The following SLC2A9 variants were observed in gnomAD, a reference collection of about 807,000 sequenced individuals.
SLC2A9 encodes the protein solute carrier family 2 member 9, also known as solute carrier family 2, facilitated glucose transporter member 9.
Under a neutral mutation model 50.6 loss-of-function variants are expected in SLC2A9, and 39 were observed. That is an observed-to-expected ratio of 0.77 (90% CI 0.60 to 1.01). The LOEUF (loss-of-function observed/expected upper bound fraction) is 1.01, where lower values mean the gene tolerates loss of function less well. Ranked by LOEUF, SLC2A9 falls within the 50% of genes least tolerant of loss-of-function variation. The probability of loss-of-function intolerance (pLI) is 0.00; values close to 1 mark genes in which losing one functional copy is unlikely to be tolerated. For synonymous variants in SLC2A9, 324 were observed against 276.9 expected (o/e 1.17, Z -1.69); for missense variants, 686 against 677.6 (o/e 1.01, Z -0.14).
At chr4:9,882,788 G>A (rs1178206845) in intron 10 of SLC2A9, among the ~76,000 whole-genome samples, 2 of 151,700 alleles carry the variant, frequency 1.3e-5, no homozygotes, top group Non-Finnish European at 2.9e-5. Flanking sequence ...CTATCCTCTA[G>A]GACAGACAGA....
At chr4:9,932,006 C>T (rs899937772) in intron 6 of SLC2A9, among the ~76,000 whole-genome samples, 3 of 71,556 alleles carry the variant, frequency 4.2e-5, no homozygotes, top group African/African-American at 1.8e-4. Context: ...ATATGCCTTG[C>T]CTGACTTGGA....
In SLC2A9 at chr4:9,941,947, G is replaced by A. The variant is rs760664426; in HGVS notation, c.780C>T (p.Leu260=). Residue 260 remains leucine, a synonymous_variant, in exon 6 of 12, where the codon CTC becomes CTT. Transcript: ENST00000264784. ...CTCTTGCCTCGTTGTGCTTCTCCAAGAGCAGGTAGCGTGGGCTGTCCGGGA... is the reference window on the plus strand; with the variant it reads ...CTCTTGCCTCGTTGTGCTTCTCCAAAAGCAGGTAGCGTGGGCTGTCCGGGA... ...PFLPDSPRYL[L]LEKHNEARAV... 1.2e-6 allele frequency: 2 copies of A among 1,614,150 alleles called. No individual in the cohort carries two copies. The highest frequency in any genetic ancestry group is 1.7e-6 in the Non-Finnish European group (2 of 1,180,016).
chr4:9,863,348 C>T (rs1279130137), intron 10 of SLC2A9, among the ~76,000 whole-genome samples: 3 of 151,950 alleles, frequency 2.0e-5, no homozygotes, highest in Non-Finnish European at 4.4e-5. Flanking sequence ...GGTCTTGCTA[C>T]ATTGCCTAGG....
intron 3 of SLC2A9, among the ~76,000 whole-genome samples, chr4:9,800,800 G>C (rs948682736): frequency 2.6e-4 from 39 of 152,190 alleles, no homozygotes; most frequent in African/African-American, 9.4e-4. Flanking sequence ...AGGATGTGTG[G>C]GGTGATATGC....
chr4:9,890,479 C>T, intron 9 of SLC2A9, 131 bp downstream of exon 9: 2 of 877,792 alleles, frequency 2.3e-6, no homozygotes, highest in Non-Finnish European at 1.9e-6. Context: ...GATGAGATGT[C>T]CCCGGGGAGA....
At chr4:9,889,874 T>C (rs1737046459) in intron 9 of SLC2A9, among the ~76,000 whole-genome samples, 1 of 152,228 alleles carries the variant, frequency 6.6e-6, no homozygotes, top group Non-Finnish European at 1.5e-5. Flanking sequence ...GGGGATCTAA[T>C]TGCCACCTTT....
At position 9,783,437 on chromosome 4, in the gene SLC2A9, C is replaced by G. The variant is rs779829910; in HGVS notation, n.386-3372G>C. 2.5e-6 allele frequency: 4 copies of G among 1,611,186 alleles called. No homozygotes were observed. The African/African-American group carries it at 5.3e-5, about 22-fold the overall frequency. ...GGAGATTTCTTTAGACAAAATAACACCTTTCACCCCGAATGGATTCCATTA... is the reference window on the plus strand; with the variant it reads ...GGAGATTTCTTTAGACAAAATAACAGCTTTCACCCCGAATGGATTCCATTA... On this transcript the variant is annotated intron_variant and non_coding_transcript_variant, in intron 3 of 3. Transcript: ENST00000503803.
chr4:9,870,039 G>A (rs962023197), intron 10 of SLC2A9, among the ~76,000 whole-genome samples: 1 of 152,260 alleles, frequency 6.6e-6, no homozygotes, highest in Non-Finnish European at 1.5e-5. Context: ...TGTGAAGGTG[G>A]AGGCAGAGAC....
At chr4:9,881,212 G>C (rs1735149027) in intron 10 of SLC2A9, among the ~76,000 whole-genome samples, 1 of 152,176 alleles carries the variant, frequency 6.6e-6, no homozygotes, top group South Asian at 2.1e-4. Flanking sequence ...TCTTGAACTT[G>C]GCTGCACCTT....
At chr4:9,898,740 G>A (rs896810722) in intron 8 of SLC2A9, among the ~76,000 whole-genome samples, 1 of 152,164 alleles carries the variant, frequency 6.6e-6, no homozygotes, top group African/African-American at 2.4e-5. Flanking sequence ...TGTGCGCAGG[G>A]GCCCTAGAAG....
chr4:9,991,256 C>T (rs1477288797), intron 3 of SLC2A9, among the ~76,000 whole-genome samples: 1 of 152,204 alleles, frequency 6.6e-6, no homozygotes, highest in Non-Finnish European at 1.5e-5. Context: ...GCCATGTGTG[C>T]ATCCCAATCC....
chr4:9,955,867 A>ATTTTTTTTTTT (rs1170286158), intron 5 of SLC2A9, among the ~76,000 whole-genome samples: 1 of 61,692 alleles, frequency 1.6e-5, no homozygotes, highest in Non-Finnish European at 2.7e-5. Context: ...AAGCATCTGG[A>ATTTTTTTTTTT]TTTTTTTTTT....
intron 2 of SLC2A9, 67 bp from the exon 3 acceptor site, chr4:9,997,008 T>C: frequency 6.3e-7 from 1 of 1,590,684 alleles, no homozygotes; most frequent in East Asian, 2.2e-5. Flanking sequence ...CAAGCCAGTG[T>C]ACAAAACAAA....
At chr4:9,919,145 C>A (rs1239684035) in intron 7 of SLC2A9, among the ~76,000 whole-genome samples, 1 of 152,170 alleles carries the variant, frequency 6.6e-6, no homozygotes, top group Non-Finnish European at 1.5e-5. Flanking sequence ...TTCACTTCCC[C>A]TCTCTACTCT....
Position 10,018,978 on chromosome 4 carries a change from G to C in SLC2A9, c.246C>G (p.Thr82=). ...GYNLSVVNAP[T]PYIKAFYNES... is the part of the protein sequence containing the mutation. ...CCGGGCCTTGGCGCGCACTCACCGG[G>C]GTGGGGGCATTCACCACCGACAGGT... The change falls in exon 2 of 12, where the codon ACC becomes ACG. Residue 82 remains threonine (T), a synonymous_variant. Transcript: ENST00000264784. 1 of 1,549,668 alleles carries C rather than the reference G, an allele frequency of 6.5e-7. No homozygotes were observed. The highest frequency in any genetic ancestry group is 8.7e-7 in the Non-Finnish European group (1 of 1,146,838).
chr4:9,772,912 C>T (rs771100427), intron 1 of SLC2A9, among the ~76,000 whole-genome samples: 15 of 151,554 alleles, frequency 9.9e-5, no homozygotes, highest in South Asian at 6.3e-4. Context: ...CATGCTGGTG[C>T]GCTGCACCCA....
At chr4:9,936,143 G>T (rs2110216515) in intron 6 of SLC2A9, among the ~76,000 whole-genome samples, 1 of 152,330 alleles carries the variant, frequency 6.6e-6, no homozygotes, top group Non-Finnish European at 1.5e-5. Flanking sequence ...AGTTGAAAAT[G>T]AATCCCCAAA....
chr4:9,918,237 A>G (rs1389665419), intron 7 of SLC2A9, among the ~76,000 whole-genome samples: 1 of 152,194 alleles, frequency 6.6e-6, no homozygotes, highest in Non-Finnish European at 1.5e-5. Context: ...CTTCCAAGGC[A>G]GCTGAAGTTT....
intron 3 of SLC2A9, among the ~76,000 whole-genome samples, chr4:9,787,942 A>C (rs1719438297): frequency 1.3e-5 from 2 of 152,202 alleles, no homozygotes; most frequent in Admixed American, 6.5e-5. Flanking sequence ...CTTTATAATT[A>C]ATATGTATTT....
Sources: gnomAD v4.1 joint callset for allele counts (sites outside exome capture counted in the v4.1 genomes callset) on GRCh38, gnomAD v4.1.1 for gene constraint, MANE v1.5 for transcripts, NCBI Gene and HGNC (gene_info 2026-07-23, HGNC 2026-07-21) for gene names.